The following XDH variants were observed in gnomAD, a reference collection of about 807,000 sequenced individuals.
XDH encodes the protein xanthine dehydrogenase.
XDH carries 138 observed loss-of-function variants against 156.1 expected under a neutral mutation model. That is an observed-to-expected ratio of 0.88 (90% CI 0.77 to 1.02). XDH has a LOEUF of 1.02. Among genes scored for constraint, XDH ranks in the 50% least tolerant of loss-of-function variants. The pLI, the probability that XDH is intolerant of heterozygous loss-of-function variation, is 0.00. For synonymous variants in XDH, 669 were observed against 625.7 expected, an observed-to-expected ratio of 1.07 and a Z score of -1.03; for missense variants, 1,849 against 1,684.9, an observed-to-expected ratio of 1.10 and a Z score of -1.71.
chr2:31,409,999 A>G (rs918387384), intron 1 of XDH, among the ~76,000 whole-genome samples: 7 of 152,240 alleles, frequency 4.6e-5, no homozygotes, highest in African/African-American at 1.7e-4. Flanking sequence ...ATGTCCATCA[A>G]TAGATGAATG....
chr2:31,402,666 C>T (rs958329264), intron 3 of XDH, among the ~76,000 whole-genome samples: 1 of 152,082 alleles, frequency 6.6e-6, no homozygotes, highest in African/African-American at 2.4e-5. Context: ...ATTATCTCTG[C>T]TTGAATGGAG....
At chr2:31,382,627 C>T (rs1686469051) in intron 11 of XDH, among the ~76,000 whole-genome samples, 1 of 152,156 alleles carries the variant, frequency 6.6e-6, no homozygotes. Context: ...TCTGACTTCT[C>T]CCTAGCATAT....
chr2:31,404,674 C>T (rs904498997), intron 2 of XDH, among the ~76,000 whole-genome samples: 1 of 152,162 alleles, frequency 6.6e-6, no homozygotes, highest in African/African-American at 2.4e-5. Context: ...TCTTCCCAGA[C>T]CTCCCAGGTA....
chr2:31,364,070 CA>C lies in XDH; in HGVS notation c.2631+87del, dbSNP rs1169622367. On this transcript the variant is annotated intron_variant, in intron 24 of 35. Coordinates refer to ENST00000379416, the MANE Select transcript of XDH (RefSeq NM_000379.4). ...AGGAGACTACTGCAACAGTAGCAAG[CA>C]GGGACTGGGGAGGCCTGTGCCTGCG... 65 of 1,264,744 alleles carry C rather than the reference CA, an allele frequency of 5.1e-5. No homozygotes were observed. The East Asian group carries it at 1.5e-3, about 29-fold the overall frequency. The allele number at this position is 1,264,744 out of a possible 1,614,324, so 78.3% of individuals were successfully genotyped here. A position where few individuals can be genotyped will look rare whatever the true frequency, so the allele number is the denominator to read the frequency against.
At chr2:31,379,185 A>G (rs1335968720) in intron 13 of XDH, among the ~76,000 whole-genome samples, 2 of 152,170 alleles carry the variant, frequency 1.3e-5, no homozygotes, top group Non-Finnish European at 2.9e-5. Flanking sequence ...AGGTCAAGAC[A>G]TCACAGGGCC....
At position 31,372,407 on chromosome 2, in the gene XDH, C is replaced by T; in HGVS notation, c.1687-10G>A. 6 of 1,613,936 alleles carry T rather than the reference C, an allele frequency of 3.7e-6. No individual in the cohort carries two copies. The highest frequency in any genetic ancestry group is 4.2e-6 in the Non-Finnish European group (5 of 1,180,018). ...GACCCTTGGGCACCTCCTGGAATGA[C>T]AGGGTCATCAATCAGGGTGAGCTGC... On this transcript the variant is annotated splice_polypyrimidine_tract_variant and intron_variant, in intron 16 of 35. Coordinates refer to ENST00000379416, the MANE Select transcript of XDH (RefSeq NM_000379.4).
At chr2:31,391,035 T>C (rs1686747129) in intron 6 of XDH, among the ~76,000 whole-genome samples, 1 of 152,200 alleles carries the variant, frequency 6.6e-6, no homozygotes, top group South Asian at 2.1e-4. Context: ...TGGTGTTGCA[T>C]CTAAAAAGTC....
At chr2:31,342,159 A>G in intron 32 of XDH, 24 bp downstream of exon 32, 1 of 1,589,410 alleles carries the variant, frequency 6.3e-7, no homozygotes, top group Non-Finnish European at 8.6e-7. Context: ...CCCACTAAGT[A>G]CTAAAGTTTT....
At chr2:31,378,113 AGG>A (rs1686311627) in intron 13 of XDH, among the ~76,000 whole-genome samples, 1 of 31,094 alleles carries the variant, frequency 3.2e-5, no homozygotes, top group Non-Finnish European at 6.5e-5. Flanking sequence ...AAAGAAAGGA[AGG>A]AAGGAAGGAA....
rs60340656 is a variant in XDH at position 31,375,023 on chromosome 2, CTTTTT to C, written c.1602+352_1602+356del. On this transcript the variant is annotated intron_variant, in intron 15 of 35. Coordinates refer to ENST00000379416, the MANE Select transcript of XDH (RefSeq NM_000379.4). ...TCTTTCTTTCTTTCTTTCTTTCTTTCTTTTTTTTTTTTTTTTTTTGAGACAGAGTT... is the reference window on the plus strand; with the variant it reads ...TCTTTCTTTCTTTCTTTCTTTCTTTCTTTTTTTTTTTTTTGAGACAGAGTT... Among the ~76,000 whole-genome samples the C allele has an allele frequency of 4.8e-4, 44 of 92,336 alleles. 1 individual carries two copies. The Admixed American group carries it at 5.5e-3, about 11-fold the overall frequency. The allele number at this position is 92,336 out of a possible 152,430, so 60.6% of individuals were successfully genotyped here.
intron 1 of XDH, among the ~76,000 whole-genome samples, chr2:31,413,437 C>T (rs569612864): frequency 7.2e-5 from 11 of 152,178 alleles, no homozygotes; most frequent in Non-Finnish European, 1.6e-4. Context: ...AAGAACATGG[C>T]TGTCCCCATT....
intron 15 of XDH, 90 bp from the exon 16 acceptor site, chr2:31,374,046 A>G: frequency 7.7e-7 from 1 of 1,296,882 alleles, no homozygotes. Context: ...CAAACTGATA[A>G]CTGATCCCCT....
intron 20 of XDH, 124 bp from the exon 21 acceptor site, chr2:31,367,118 C>T (rs1685935875): frequency 1.3e-6 from 2 of 1,529,294 alleles, no homozygotes; most frequent in South Asian, 1.2e-5. Flanking sequence ...GAGGGGTAAC[C>T]TCAAGGTTTC....
intron 21 of XDH, among the ~76,000 whole-genome samples, chr2:31,366,432 G>C (rs1685917129): frequency 6.6e-6 from 1 of 152,190 alleles, no homozygotes; most frequent in Non-Finnish European, 1.5e-5. Context: ...TCACATTACA[G>C]GCAGTAGAGA....
intron 6 of XDH, among the ~76,000 whole-genome samples, chr2:31,393,800 C>CTTTTTTTTTTT (rs34575198): frequency 4.3e-5 from 6 of 140,452 alleles, no homozygotes; most frequent in Admixed American, 7.1e-5. Flanking sequence ...TTCCTTTTTT[C>CTTTTTTTTTTT]TTTTTTTTTT....
intron 1 of XDH, among the ~76,000 whole-genome samples, chr2:31,410,628 T>C (rs942558083): frequency 6.6e-6 from 1 of 152,118 alleles, no homozygotes; most frequent in African/African-American, 2.4e-5. Context: ...ACAAACATAA[T>C]GACAGAATGC....
At position 31,383,006 on chromosome 2, in the gene XDH, C is replaced by A; in HGVS notation, c.1033G>T (p.Val345Leu). ...RWFAGKQVKSVASVGGNIITA... is the reference protein window; with the variant it reads ...RWFAGKQVKSLASVGGNIITA... ...TGCTTCTGAGAGCGACTCACCGCCA[C>A]AGACTTGACTTGCTTCCCAGCAAAC... is the stretch of plus-strand genomic sequence containing the variant. Residue 345 changes from valine to leucine, a missense_variant, in exon 11 of 36, where the codon GTG (valine) becomes TTG (leucine). Coordinates refer to ENST00000379416, the MANE Select transcript of XDH (RefSeq NM_000379.4). The A allele has an allele frequency of 6.2e-7, 1 of 1,614,206 alleles. No homozygotes were observed. Among genetic ancestry groups the A allele is most frequent in the Non-Finnish European group, 8.5e-7 (1 of 1,180,038 alleles).
intron 14 of XDH, among the ~76,000 whole-genome samples, chr2:31,375,764 C>T (rs1686228402): frequency 6.6e-6 from 1 of 152,210 alleles, no homozygotes; most frequent in African/African-American, 2.4e-5. Context: ...TAAAAGACCA[C>T]CAAAATAATA....
chr2:31,341,291 G>A (rs778461901), intron 33 of XDH, 38 bp downstream of exon 33: 4 of 1,548,134 alleles, frequency 2.6e-6, no homozygotes, highest in Non-Finnish European at 3.5e-6. Flanking sequence ...TGCATCGGTG[G>A]CCAAGTCTGT....
Sources: gnomAD v4.1 joint callset for allele counts (sites outside exome capture counted in the v4.1 genomes callset) on GRCh38, gnomAD v4.1.1 for gene constraint, MANE v1.5 for transcripts, NCBI Gene and HGNC (gene_info 2026-07-23, HGNC 2026-07-21) for gene names.